CDK12: variants seen among roughly 807,000 people sequenced by gnomAD.
The protein encoded by CDK12 is cyclin-dependent kinase 12.
In CDK12, 17 loss-of-function variants were observed where a neutral mutation model predicts 133.8. The ratio of observed to expected loss-of-function variants is 0.13; its 90% CI spans 0.09 to 0.19. The LOEUF (loss-of-function observed/expected upper bound fraction) is 0.19, where lower values mean the gene tolerates loss of function less well. Among genes scored for constraint, CDK12 ranks in the 10% least tolerant of loss-of-function variants. The pLI is 1.00. For missense variants in CDK12, 1,508 were observed against 1,818.7 expected, an observed-to-expected ratio of 0.83 and a Z score of 3.11; for synonymous variants, 694 against 683.6, an observed-to-expected ratio of 1.02 and a Z score of -0.24.
chr17:39,498,685 A>G (rs1010965954), intron 5 of CDK12, among the ~76,000 whole-genome samples: 47 of 151,862 alleles, frequency 3.1e-4, no homozygotes, highest in Middle Eastern at 3.4e-3. Flanking sequence ...AAGCACCATC[A>G]TGCCTAGCTA....
chr17:39,557,091 G>A (rs1054956566), intron 3 of CDK12: 4 of 152,202 alleles, frequency 2.6e-5, no homozygotes, highest in African/African-American at 9.7e-5. Flanking sequence ...AATACAGAGT[G>A]GCAGAACCCT....
chr17:39,503,369 G>A (rs905225412), intron 6 of CDK12, among the ~76,000 whole-genome samples: 10 of 152,152 alleles, frequency 6.6e-5, no homozygotes, highest in African/African-American at 9.7e-5. Context: ...CACTGCGCCC[G>A]GCCAAAAGAG....
chr17:39,528,022 TCTC>T (rs1306847318), intron 13 of CDK12, among the ~76,000 whole-genome samples: 1 of 151,652 alleles, frequency 6.6e-6, no homozygotes, highest in Non-Finnish European at 1.5e-5. Flanking sequence ...TTCAAGCAAT[TCTC>T]CTGCCTCAGC....
chr17:39,553,225 A>G (rs2056024771), intron 2 of CDK12, among the ~76,000 whole-genome samples: 1 of 151,918 alleles, frequency 6.6e-6, no homozygotes, highest in Non-Finnish European at 1.5e-5. Context: ...AATTTTTCCC[A>G]CTGGTTGAAG....
intron 13 of CDK12, among the ~76,000 whole-genome samples, chr17:39,527,256 A>G (rs1388701453): frequency 6.6e-6 from 1 of 152,258 alleles, no homozygotes; most frequent in Non-Finnish European, 1.5e-5. Flanking sequence ...GCCTATGGCC[A>G]GAAGTTGTTG....
chr17:39,525,860 A>G lies in CDK12; in HGVS notation c.3308-4A>G, dbSNP rs749665647. On this transcript the variant is annotated splice_polypyrimidine_tract_variant and splice_region_variant and intron_variant, in intron 12 of 13. Transcript: ENST00000447079. Reference sequence around the variant, plus strand: ...CTTATATTGGCTTCACTGTCTTTCAACAGGCCTTGCTGACATCACACAACA... The same window carrying G: ...CTTATATTGGCTTCACTGTCTTTCAGCAGGCCTTGCTGACATCACACAACA... 40 of 1,611,034 alleles carry G rather than the reference A, an allele frequency of 2.5e-5. No homozygotes were observed. Among genetic ancestry groups the G allele is most frequent in the East Asian group, 2.2e-4 (10 of 44,860 alleles).
rs61747400 is a variant in CDK12, at chr17:39,520,016, G to T, written c.3024G>T (p.Arg1008=). 2.0e-4 allele frequency: 327 copies of T among 1,614,066 alleles called. 1 individual carries two copies. In the African/African-American group the frequency reaches 3.7e-3, roughly 18 times the overall value. Residue 1008 remains arginine (R), a synonymous_variant, in exon 11 of 14, where the codon CGG becomes CGT. Transcript: ENST00000447079. Reference sequence around the variant, plus strand: ...TGCTGACACTAGATCCTAGTAAGCGGTGCACAGCTGAACAGACCCTACAGA... The same window carrying T: ...TGCTGACACTAGATCCTAGTAAGCGTTGCACAGCTGAACAGACCCTACAGA... ...DHMLTLDPSK[R]CTAEQTLQSD...
intron 2 of CDK12, among the ~76,000 whole-genome samples, chr17:39,483,368 G>A (rs909568975): frequency 2.2e-4 from 33 of 151,872 alleles, no homozygotes; most frequent in African/African-American, 7.2e-4. Context: ...AGGCTGGAGC[G>A]ATCTTTCCAC....
At chr17:39,487,952 G>C (rs1175752797) in intron 2 of CDK12, among the ~76,000 whole-genome samples, 1 of 151,944 alleles carries the variant, frequency 6.6e-6, no homozygotes, top group African/African-American at 2.4e-5. Flanking sequence ...TTAATAAATT[G>C]AGATAGGCAA....
At chr17:39,468,755 G>A (rs977778478) in intron 1 of CDK12, among the ~76,000 whole-genome samples, 3 of 152,078 alleles carry the variant, frequency 2.0e-5, no homozygotes, top group South Asian at 2.1e-4. Flanking sequence ...GATTACAGGC[G>A]TGAGCCACAG....
Position 39,509,699 on chromosome 17 carries a change from T to A in CDK12, c.2610-6T>A. 1 of 1,610,846 alleles carries A rather than the reference T, an allele frequency of 6.2e-7. No homozygotes were observed. Among genetic ancestry groups the A allele is most frequent in the Non-Finnish European group, 8.5e-7 (1 of 1,176,988 alleles). On this transcript the variant is annotated splice_polypyrimidine_tract_variant and splice_region_variant and intron_variant, in intron 6 of 13. Coordinates refer to ENST00000447079, the MANE Select transcript of CDK12 (RefSeq NM_016507.4). ...CTTATGAAAATAATTGTTTTTTGTT[T>A]TACAGTGGGCAAATCAAACTAGCAG... is the stretch of plus-strand genomic sequence containing the variant.
chr17:39,515,117 G>A (rs1330326510), intron 8 of CDK12, among the ~76,000 whole-genome samples: 3 of 152,184 alleles, frequency 2.0e-5, no homozygotes, highest in African/African-American at 7.2e-5. Context: ...GAAGGCTGAG[G>A]CAGAGAATCA....
intron 4 of CDK12, among the ~76,000 whole-genome samples, chr17:39,493,503 T>G (rs1235687081): frequency 1.3e-5 from 2 of 151,438 alleles, no homozygotes; most frequent in African/African-American, 4.9e-5. Flanking sequence ...GAGATGGGGT[T>G]TTACCATGTT....
intron 6 of CDK12, among the ~76,000 whole-genome samples, chr17:39,507,511 G>A (rs2053212037): frequency 1.3e-5 from 2 of 151,506 alleles, no homozygotes; most frequent in South Asian, 2.1e-4. Context: ...CCGAGATAGC[G>A]CCATCGCACT....
At position 39,471,376 on chromosome 17, in the gene CDK12, C is replaced by T. The variant is rs750167967; in HGVS notation, c.1544C>T (p.Pro515Leu). Reference sequence around the variant, plus strand: ...GCACTGAAAGAGGAGATTGTTACTCCAAAGGAGACAGAAACATCAGAAAAG... The same window carrying T: ...GCACTGAAAGAGGAGATTGTTACTCTAAAGGAGACAGAAACATCAGAAAAG... Reference protein sequence around the residue: ...PIALKEEIVTPKETETSEKET... With the variant: ...PIALKEEIVTLKETETSEKET... Residue 515 changes from proline (P) to leucine (L), a missense_variant, in exon 2 of 14, where the codon CCA (proline) becomes CTA (leucine). Pro to Leu is a moderately conservative substitution (Grantham distance 98, BLOSUM62 -3). Transcript: ENST00000447079. 2.4e-5 allele frequency: 38 copies of T among 1,613,880 alleles called. No individual in the cohort carries two copies. The highest frequency in any genetic ancestry group is 3.1e-5 in the Non-Finnish European group (37 of 1,180,012).
intron 2 of CDK12, among the ~76,000 whole-genome samples, chr17:39,554,828 C>T (rs992947314): frequency 3.4e-5 from 5 of 145,912 alleles, no homozygotes; most frequent in Non-Finnish European, 7.5e-5. Context: ...GCAGTGATCT[C>T]CGAGTTGAGA....
At position 39,467,135 on chromosome 17, in the gene CDK12, T is replaced by C. The variant is rs571589641; in HGVS notation, c.1047-3744T>C. On this transcript the variant is annotated intron_variant, in intron 1 of 13. Coordinates refer to ENST00000447079, the MANE Select transcript of CDK12 (RefSeq NM_016507.4). Reference sequence around the variant, plus strand: ...CTGGGACTACAGGCGCGCGTCACCATGCCCAGCTAATTTTTGTATTTTTAG... The same window carrying C: ...CTGGGACTACAGGCGCGCGTCACCACGCCCAGCTAATTTTTGTATTTTTAG... Among the ~76,000 whole-genome samples, 680 of 152,158 alleles carry C rather than the reference T, an allele frequency of 4.5e-3. 2 individuals are homozygous for C. The highest frequency in any genetic ancestry group is 0.015 in the African/African-American group (642 of 41,522).
intron 2 of CDK12, among the ~76,000 whole-genome samples, chr17:39,489,203 C>T (rs556145699): frequency 5.9e-5 from 9 of 151,830 alleles, no homozygotes; most frequent in Admixed American, 4.0e-4. Flanking sequence ...GCCTCAGCCT[C>T]CTGAGTAGCT....
At chr17:39,530,463 A>G (rs1372218659) in intron 13 of CDK12, 141 bp from the exon 14 acceptor site, 21 of 1,273,204 alleles carry the variant, frequency 1.6e-5, no homozygotes, top group African/African-American at 3.0e-5. Flanking sequence ...TATAATTGCA[A>G]TTTTCTGATC....
Sources: gnomAD v4.1 joint callset for allele counts (sites outside exome capture counted in the v4.1 genomes callset) on GRCh38, gnomAD v4.1.1 for gene constraint, MANE v1.5 for transcripts, NCBI Gene and HGNC (gene_info 2026-07-23, HGNC 2026-07-21) for gene names.